Variants in ARL8A observed in about 807,000 individuals in gnomAD.
ARL8A encodes the protein ADP-ribosylation factor-like protein 8A.
In ARL8A, 10 loss-of-function variants were observed where a neutral mutation model predicts 31.2. That is an observed-to-expected ratio of 0.32 (90% CI 0.20 to 0.54). The LOEUF (loss-of-function observed/expected upper bound fraction) is 0.54, where lower values mean the gene tolerates loss of function less well. ARL8A is among the 20% of genes least tolerant of loss of function. The pLI is 0.93. For missense variants in ARL8A, 129 were observed against 242.8 expected, an observed-to-expected ratio of 0.53 and a Z score of 3.12; for synonymous variants, 70 against 86.9, an observed-to-expected ratio of 0.81 and a Z score of 1.08.
At chr1:202,140,915 AATGTAAAACT>A (rs1177973113) in intron 1 of ARL8A, among the ~76,000 whole-genome samples, 1 of 152,160 alleles carries the variant, frequency 6.6e-6, no homozygotes, top group African/African-American at 2.4e-5. Context: ...AGTGTTTCTG[AATGTAAAACT>A]GGGGAGAAGG....
At chr1:202,140,597 A>G (rs1160008211) in intron 1 of ARL8A, among the ~76,000 whole-genome samples, 2 of 152,160 alleles carry the variant, frequency 1.3e-5, no homozygotes, top group Non-Finnish European at 2.9e-5. Context: ...ACCCCCTGAA[A>G]CTGTACACAA....
At chr1:202,140,310 T>TTTTGTA (rs1382193569) in intron 1 of ARL8A, among the ~76,000 whole-genome samples, 2 of 151,420 alleles carry the variant, frequency 1.3e-5, no homozygotes, top group African/African-American at 4.9e-5. Context: ...TTTTTTTTTT[T>TTTTGTA]TTTTGTATTT....
Position 202,135,130 on chromosome 1 carries a change from C to T in ARL8A, c.511+20G>A. The T allele has an allele frequency of 1.2e-6, 2 of 1,609,676 alleles. No homozygotes were observed. The highest frequency in any genetic ancestry group is 1.7e-5 in the Admixed American group (1 of 60,006). ...CAGAAATGCCTCTCCCCTCTCCTCCCTTTCCCCCATCCTACGCACCAATGT... is the reference window on the plus strand; with the variant it reads ...CAGAAATGCCTCTCCCCTCTCCTCCTTTTCCCCCATCCTACGCACCAATGT... On this transcript the variant is annotated intron_variant, in intron 6 of 6. Coordinates refer to ENST00000272217, the MANE Select transcript of ARL8A (RefSeq NM_138795.4). The surrounding 1 kb of genome is among the most constrained non-coding windows in gnomAD (Gnocchi z 5.3).
Position 202,144,365 on chromosome 1 carries a change from C to G in ARL8A, c.123+85G>C. On this transcript the variant is annotated intron_variant, in intron 1 of 6. Coordinates refer to ENST00000272217, the MANE Select transcript of ARL8A (RefSeq NM_138795.4). This position sits in a 1 kb window ranked among gnomAD's most constrained non-coding sequence, Gnocchi z 5.2. ...GTGCCCGGCTATGCCAGGCGGCGAC[C>G]CCGGCTCAGCAGGGCGCGGCGCGGG... 2 of 958,444 alleles carry G rather than the reference C, an allele frequency of 2.1e-6. No homozygotes were observed. The highest frequency in any genetic ancestry group is 2.5e-6 in the Non-Finnish European group (2 of 799,444). The allele number at this position is 958,444 out of a possible 1,614,324, so 59.4% of individuals were successfully genotyped here. A position where few individuals can be genotyped will look rare whatever the true frequency, so the allele number is the denominator to read the frequency against.
chr1:202,138,064 C>T lies in ARL8A; in HGVS notation c.205-26G>A, dbSNP rs1301028534. 6 of 1,613,566 alleles carry T rather than the reference C, an allele frequency of 3.7e-6. No homozygotes were observed. Among genetic ancestry groups the T allele is most frequent in the South Asian group, 1.1e-5 (1 of 91,080 alleles). On this transcript the variant is annotated intron_variant, in intron 2 of 6. Transcript: ENST00000272217. The surrounding 1 kb of genome is among the most constrained non-coding windows in gnomAD (Gnocchi z 4.4). ...CTGAGCAAGAAGAGGGTGAGATAGC[C>T]TCAGTAGTGGGCAGGCCACCAAAAC...
At position 202,135,736 on chromosome 1, in the gene ARL8A, G is replaced by C. The variant is rs749905108; in HGVS notation, c.343C>G (p.Leu115Val). Residue 115 changes from leucine to valine, a missense_variant, in exon 4 of 7, where the codon CTG (leucine) becomes GTG (valine). Coordinates refer to ENST00000272217, the MANE Select transcript of ARL8A (RefSeq NM_138795.4). This position sits in a 1 kb window ranked among gnomAD's most constrained non-coding sequence, Gnocchi z 5.3. ...EASKNELHNLLDKPQLQGIPV... is the reference protein window; with the variant it reads ...EASKNELHNLVDKPQLQGIPV... ...ATGCCCTGCAGCTGAGGTTTGTCCA[G>C]TAGGTTGTGGAGCTCGTTCTTAGAG... is the stretch of plus-strand genomic sequence containing the variant. The C allele has an allele frequency of 6.8e-6, 11 of 1,614,178 alleles. No homozygotes were observed. The highest frequency in any genetic ancestry group is 9.3e-6 in the Non-Finnish European group (11 of 1,180,020).
rs1239352513 is a variant in ARL8A at position 202,133,931 on chromosome 1, T to C, written c.*536A>G. On this transcript the variant is annotated 3_prime_UTR_variant, in exon 7 of 7. Coordinates refer to ENST00000272217, the MANE Select transcript of ARL8A (RefSeq NM_138795.4). ...AGGCGGCCACCAGTGCCCAGGCTGG[T>C]ACCTGCCGCAGGTGCCAGCCTGCAC... 1 of 152,156 alleles carries C rather than the reference T, an allele frequency of 6.6e-6. No individual in the cohort carries two copies. Among genetic ancestry groups the C allele is most frequent in the African/African-American group, 2.4e-5 (1 of 41,402 alleles). 9.4% of individuals were successfully genotyped at this position (152,156 alleles called of 1,614,324 possible).
At chr1:202,137,800 T>A (rs1018593937) in intron 3 of ARL8A, among the ~76,000 whole-genome samples, 165 bp downstream of exon 3, 2 of 152,136 alleles carry the variant, frequency 1.3e-5, no homozygotes, top group Non-Finnish European at 2.9e-5. Context: ...ATTTATCCAA[T>A]AAGAAACAAG....
Position 202,138,181 on chromosome 1 carries a change from T to C in ARL8A, c.205-143A>G. The C allele has an allele frequency of 8.6e-7, 1 of 1,159,040 alleles. No homozygotes were observed. The highest frequency in any genetic ancestry group is 1.4e-5 in the South Asian group (1 of 73,808). 71.8% of individuals were successfully genotyped at this position (1,159,040 alleles called of 1,614,324 possible). A position where few individuals can be genotyped will look rare whatever the true frequency, so the allele number is the denominator to read the frequency against. On this transcript the variant is annotated intron_variant, in intron 2 of 6. Coordinates refer to ENST00000272217, the MANE Select transcript of ARL8A (RefSeq NM_138795.4). The surrounding 1 kb of genome is among the most constrained non-coding windows in gnomAD (Gnocchi z 4.4). ...CCAGTTCTCCCCCGTCTCCACCCGCTCTCCGTCTACCTTAGAAGTCTTCTA... is the reference window on the plus strand; with the variant it reads ...CCAGTTCTCCCCCGTCTCCACCCGCCCTCCGTCTACCTTAGAAGTCTTCTA...
At position 202,138,328 on chromosome 1, in the gene ARL8A, A is replaced by ACACACACACACACACAC. The variant is rs762466601; in HGVS notation, c.204+39_204+40insGTGTGTGTGTGTGTGTG. The stretch of plus-strand genomic sequence containing the variant: ...ACACACACACACACACACACACACA[A>ACACACACACACACACAC]AAACAGTCCTCTGCACCCCCCAAGC... On this transcript the variant is annotated intron_variant, in intron 2 of 6. Transcript: ENST00000272217. The surrounding 1 kb of genome is among the most constrained non-coding windows in gnomAD (Gnocchi z 4.4). 6.8e-7 allele frequency: 1 copy of ACACACACACACACACAC among 1,463,852 alleles called. No individual in the cohort carries two copies. Among genetic ancestry groups the ACACACACACACACACAC allele is most frequent in the African/African-American group, 1.7e-5 (1 of 59,388 alleles). The allele number at this position is 1,463,852 out of a possible 1,614,324, so 90.7% of individuals were successfully genotyped here. A position where few individuals can be genotyped will look rare whatever the true frequency, so the allele number is the denominator to read the frequency against.
At chr1:202,136,678 T>C (rs938594779) in intron 3 of ARL8A, among the ~76,000 whole-genome samples, 2 of 152,082 alleles carry the variant, frequency 1.3e-5, no homozygotes, top group Non-Finnish European at 2.9e-5. Flanking sequence ...CAAGAGATCC[T>C]CCCACCTCAG....
At chr1:202,140,310 T>G (rs1242856523) in intron 1 of ARL8A, among the ~76,000 whole-genome samples, 2 of 151,420 alleles carry the variant, frequency 1.3e-5, no homozygotes, top group African/African-American at 4.9e-5. Context: ...TTTTTTTTTT[T>G]TTTTGTATTT....
chr1:202,135,805 G>T lies in ARL8A; in HGVS notation c.279-5C>A, dbSNP rs1654989966. 3.7e-6 allele frequency: 6 copies of T among 1,612,444 alleles called. No homozygotes were observed. Among genetic ancestry groups the T allele is most frequent in the Non-Finnish European group, 5.1e-6 (6 of 1,178,600 alleles). On this transcript the variant is annotated splice_polypyrimidine_tract_variant and splice_region_variant and intron_variant, in intron 3 of 6. Coordinates refer to ENST00000272217, the MANE Select transcript of ARL8A (RefSeq NM_138795.4). The surrounding 1 kb of genome is among the most constrained non-coding windows in gnomAD (Gnocchi z 5.3). ...TCAGCAGCATCCACCATGTACCTGG[G>T]GAAAGAGGCAGGGTGGGGACAAGCA... is the stretch of plus-strand genomic sequence containing the variant.
rs1454206091 is a variant in ARL8A at position 202,133,498 on chromosome 1, T to C, written c.*969A>G. The C allele has an allele frequency of 6.6e-6, 1 of 152,054 alleles. No homozygotes were observed. Among genetic ancestry groups the C allele is most frequent in the Non-Finnish European group, 1.5e-5 (1 of 68,022 alleles). The allele number at this position is 152,054 out of a possible 1,614,324, so 9.4% of individuals were successfully genotyped here. A position where few individuals can be genotyped will look rare whatever the true frequency, so the allele number is the denominator to read the frequency against. On this transcript the variant is annotated 3_prime_UTR_variant, in exon 7 of 7. Coordinates refer to ENST00000272217, the MANE Select transcript of ARL8A (RefSeq NM_138795.4). ...ACAAGAATCATTTTCCAAACAGAGG[T>C]TAAATATGAGCTGAAAAGTGTAAAA...
At chr1:202,136,367 C>T (rs1378991576) in intron 3 of ARL8A, among the ~76,000 whole-genome samples, 2 of 151,984 alleles carry the variant, frequency 1.3e-5, no homozygotes, top group African/African-American at 2.4e-5. Context: ...GCCACCTCCG[C>T]CTGCCAGGTT....
intron 3 of ARL8A, among the ~76,000 whole-genome samples, chr1:202,136,918 G>A (rs1457416365): frequency 6.6e-6 from 1 of 151,368 alleles, no homozygotes; most frequent in Non-Finnish European, 1.5e-5. Flanking sequence ...GCAGTGATGC[G>A]ATCTCGGCTC....
At chr1:202,136,336 G>A (rs1655005049) in intron 3 of ARL8A, among the ~76,000 whole-genome samples, 1 of 152,182 alleles carries the variant, frequency 6.6e-6, no homozygotes, top group Admixed American at 6.5e-5. Context: ...CTGGAGTGCA[G>A]TGGTGCAATC....
rs10531175 is a variant in ARL8A at position 202,138,294 on chromosome 1, A to AACACAC, written c.204+68_204+73dup. ...CCCAGGGGCCTCCGTTGCCCTCCCCAACACACACACACACACACACACACA... is the reference window on the plus strand; with the variant it reads ...CCCAGGGGCCTCCGTTGCCCTCCCCAACACACACACACACACACACACACACACACA... On this transcript the variant is annotated intron_variant, in intron 2 of 6. Transcript: ENST00000272217. This position sits in a 1 kb window ranked among gnomAD's most constrained non-coding sequence, Gnocchi z 4.4. The AACACAC allele has an allele frequency of 1.4e-3, 1,917 of 1,337,766 alleles. 14 individuals carry two copies. In the African/African-American group the frequency reaches 0.022, roughly 15 times the overall value. 82.9% of individuals were successfully genotyped at this position (1,337,766 alleles called of 1,614,324 possible).
intron 1 of ARL8A, among the ~76,000 whole-genome samples, chr1:202,140,848 G>C (rs1264748938): frequency 6.6e-6 from 1 of 152,166 alleles, no homozygotes; most frequent in Non-Finnish European, 1.5e-5. Context: ...CCCAGTTCTT[G>C]TTTGTCTCTC....
Sources: gnomAD v4.1 joint callset for allele counts (sites outside exome capture counted in the v4.1 genomes callset) on GRCh38, gnomAD v4.1.1 for gene constraint, Gnocchi (gnomAD v3.1) non-coding constraint, MANE v1.5 for transcripts, NCBI Gene and HGNC (gene_info 2026-07-23, HGNC 2026-07-21) for gene names.